CNTNAP2: variants seen among roughly 807,000 people sequenced by gnomAD.
The protein encoded by CNTNAP2 is contactin associated protein 2, also known as contactin-associated protein-like 2.
Under a neutral mutation model 155.2 loss-of-function variants are expected in CNTNAP2, and 98 were observed. The observed-to-expected ratio is 0.63, with a 90% CI of 0.54 to 0.75. CNTNAP2 has a LOEUF of 0.75. CNTNAP2 is among the 30% of genes least tolerant of loss of function. The pLI is 0.00. For missense variants in CNTNAP2, 1,727 were observed against 1,688.1 expected, an observed-to-expected ratio of 1.02 and a Z score of -0.40; for synonymous variants, 651 against 631.2, an observed-to-expected ratio of 1.03 and a Z score of -0.47.
intron 1 of CNTNAP2, among the ~76,000 whole-genome samples, chr7:146,755,733 AAC>A (rs900802197): frequency 4.6e-5 from 7 of 151,992 alleles, no homozygotes; most frequent in Non-Finnish European, 1.0e-4. Flanking sequence ...AAGAAAATGT[AAC>A]AGTGTGCAGA....
intron 13 of CNTNAP2, among the ~76,000 whole-genome samples, chr7:147,806,522 A>G (rs1035597148): frequency 6.6e-6 from 1 of 152,228 alleles, no homozygotes; most frequent in Non-Finnish European, 1.5e-5. Flanking sequence ...AATGAAAATC[A>G]GTATTTCAAA....
At chr7:146,600,417 A>G (rs1215848176) in intron 1 of CNTNAP2, among the ~76,000 whole-genome samples, 1 of 152,174 alleles carries the variant, frequency 6.6e-6, no homozygotes, top group Non-Finnish European at 1.5e-5. Context: ...AAGACGTTTT[A>G]AAATAAATAA....
chr7:146,376,848 GCC>G (rs1289982973), intron 1 of CNTNAP2, among the ~76,000 whole-genome samples: 1 of 152,048 alleles, frequency 6.6e-6, no homozygotes, highest in Non-Finnish European at 1.5e-5. Flanking sequence ...AACTAGCTAA[GCC>G]CTTTTGCCCT....
At chr7:146,238,263 G>A (rs1335858553) in intron 1 of CNTNAP2, among the ~76,000 whole-genome samples, 1 of 152,160 alleles carries the variant, frequency 6.6e-6, no homozygotes, top group East Asian at 1.9e-4. Flanking sequence ...GGAACGAATG[G>A]TTGTTGCTCA....
chr7:146,731,376 ATTTTAT>A (rs1211698494), intron 1 of CNTNAP2, among the ~76,000 whole-genome samples: 1 of 151,442 alleles, frequency 6.6e-6, no homozygotes, highest in African/African-American at 2.4e-5. Context: ...ATTATTTATT[ATTTTAT>A]TTTTATTTTA....
intron 1 of CNTNAP2, among the ~76,000 whole-genome samples, chr7:146,715,465 G>T (rs1247418152): frequency 6.6e-5 from 10 of 152,190 alleles, no homozygotes; most frequent in African/African-American, 2.4e-4. Flanking sequence ...AGCATTATTT[G>T]TCTACTATGA....
At chr7:146,740,408 G>C (rs1267560575) in intron 1 of CNTNAP2, among the ~76,000 whole-genome samples, 1 of 150,796 alleles carries the variant, frequency 6.6e-6, no homozygotes. Flanking sequence ...TCTTTAAAAT[G>C]GTTATTTTAT....
rs545979774 is a variant in CNTNAP2, at chr7:148,188,862, C to T, written c.3010+16384C>T. 1.1e-4 allele frequency among the ~76,000 whole-genome samples: 17 copies of T among 152,296 alleles called. No individual in the cohort carries two copies. In the East Asian group the frequency reaches 3.3e-3, roughly 29 times the overall value. On this transcript the variant is annotated intron_variant, in intron 18 of 23. Transcript: ENST00000361727. ...TTAAAAATACTGCTTCATATTATTCCACCCAGTGGGTTTACCAAAATTTAT... is the reference window on the plus strand; with the variant it reads ...TTAAAAATACTGCTTCATATTATTCTACCCAGTGGGTTTACCAAAATTTAT...
intron 3 of CNTNAP2, among the ~76,000 whole-genome samples, chr7:146,919,496 C>A (rs1190555470): frequency 6.6e-6 from 1 of 152,156 alleles, no homozygotes; most frequent in African/African-American, 2.4e-5. Flanking sequence ...GGGCTCCAGG[C>A]TGGTACTGGA....
intron 13 of CNTNAP2, among the ~76,000 whole-genome samples, chr7:147,890,449 A>G (rs79733446): frequency 0.05 from 7,668 of 152,252 alleles, 498 homozygotes; most frequent in African/African-American, 0.14. Flanking sequence ...CTCAAAAAAT[A>G]AAAATAGAAC....
intron 15 of CNTNAP2, among the ~76,000 whole-genome samples, chr7:148,052,995 C>T (rs749859321): frequency 3.1e-4 from 47 of 152,238 alleles, no homozygotes; most frequent in Admixed American, 5.9e-4. Context: ...TTCAGTGAGC[C>T]TAAATCACGC....
chr7:148,112,719 T>C (rs1007741629), intron 15 of CNTNAP2, among the ~76,000 whole-genome samples: 19 of 152,104 alleles, frequency 1.2e-4, no homozygotes, highest in African/African-American at 4.6e-4. Flanking sequence ...ACCAAAAATC[T>C]GTGATTTAGC....
At chr7:146,721,875 G>GTGTGTGTATGTATATATATATA (rs1332551916) in intron 1 of CNTNAP2, among the ~76,000 whole-genome samples, 1 of 76,658 alleles carries the variant, frequency 1.3e-5, no homozygotes, top group East Asian at 2.7e-4. Flanking sequence ...GTGTGTGTGT[G>GTGTGTGTATGTATATATATATA]TATATATATA....
intron 15 of CNTNAP2, among the ~76,000 whole-genome samples, chr7:147,978,583 G>C (rs564686159): frequency 2.6e-5 from 4 of 152,238 alleles, no homozygotes; most frequent in Admixed American, 1.3e-4. Context: ...GGAGGTAAGG[G>C]AGTTGGAGTG....
chr7:147,737,747 C>T (rs988706919), intron 13 of CNTNAP2, among the ~76,000 whole-genome samples: 20 of 152,194 alleles, frequency 1.3e-4, no homozygotes, highest in African/African-American at 3.9e-4. Flanking sequence ...CTCGCTGCTG[C>T]CTTGCGGTTT....
intron 1 of CNTNAP2, among the ~76,000 whole-genome samples, chr7:146,376,018 G>A (rs1472480342): frequency 1.3e-5 from 2 of 152,272 alleles, no homozygotes; most frequent in South Asian, 2.1e-4. Context: ...AATCATGAGC[G>A]TATAACTGCC....
chr7:147,045,660 C>G (rs774632607), intron 4 of CNTNAP2, among the ~76,000 whole-genome samples: 2 of 152,102 alleles, frequency 1.3e-5, no homozygotes, highest in African/African-American at 4.8e-5. Flanking sequence ...CCTATGTGGT[C>G]TAGACATTCA....
intron 13 of CNTNAP2, among the ~76,000 whole-genome samples, chr7:147,746,294 C>T (rs1797042096): frequency 1.3e-5 from 2 of 152,124 alleles, no homozygotes; most frequent in Admixed American, 1.3e-4. Context: ...ACAGCTGAAA[C>T]TGATGCTGGG....
chr7:147,295,189 G>A (rs1805411159), intron 8 of CNTNAP2, among the ~76,000 whole-genome samples: 1 of 152,020 alleles, frequency 6.6e-6, no homozygotes, highest in Admixed American at 6.6e-5. Context: ...GCTATCCCCA[G>A]AAACTGAGCA....
Sources: gnomAD v4.1 joint callset for allele counts (sites outside exome capture counted in the v4.1 genomes callset) on GRCh38, gnomAD v4.1.1 for gene constraint, MANE v1.5 for transcripts, NCBI Gene and HGNC (gene_info 2026-07-23, HGNC 2026-07-21) for gene names.